PCDHA3: variants seen among roughly 807,000 people sequenced by gnomAD.
PCDHA3 encodes the protein protocadherin alpha-3.
A neutral mutation model predicts 62.2 loss-of-function variants in PCDHA3; 41 were observed. The observed-to-expected ratio is 0.66, with a 90% CI of 0.51 to 0.86. PCDHA3 has a LOEUF of 0.86. Ranked by LOEUF, PCDHA3 falls within the 40% of genes least tolerant of loss-of-function variation. PCDHA3 has a pLI of 0.00. For missense variants in PCDHA3, 1,304 were observed against 1,241.2 expected (o/e 1.05, Z -0.76); for synonymous variants, 640 against 555.4 (o/e 1.15, Z -2.14).
chr5:140,967,747 A>G (rs782650276), intron 1 of PCDHA3: 36 of 1,614,042 alleles, frequency 2.2e-5, no homozygotes, highest in Non-Finnish European at 3.0e-5. Context: ...ATTATGAGGA[A>G]GCCTCCTCCT....
intron 1 of PCDHA3, among the ~76,000 whole-genome samples, chr5:140,965,342 G>T (rs2095891598): frequency 6.6e-6 from 1 of 152,130 alleles, no homozygotes; most frequent in South Asian, 2.1e-4. Context: ...TTGTCTCTGT[G>T]TTGCCTCTAT....
Position 140,821,905 on chromosome 5 carries a change from G to A in PCDHA3, c.2394+18314G>A, listed in dbSNP as rs2150111828. The stretch of plus-strand genomic sequence containing the variant: ...GGAGGAAGCCAAACACGGAACCTTC[G>A]TTGGCCGCATCGCGCAGGACCTAGG... On this transcript the variant is annotated intron_variant, in intron 1 of 3. Transcript: ENST00000522353. 12 of 1,614,120 alleles carry A rather than the reference G, an allele frequency of 7.4e-6. No homozygotes were observed. The African/African-American group carries it at 9.3e-5, about 13-fold the overall frequency.
intron 1 of PCDHA3, among the ~76,000 whole-genome samples, chr5:140,977,003 T>G (rs1382476176): frequency 6.6e-6 from 1 of 152,248 alleles, no homozygotes; most frequent in Non-Finnish European, 1.5e-5. Flanking sequence ...AGAAATCTTG[T>G]AACTGTGATT....
rs550730996 is a variant in PCDHA3, at chr5:140,982,280, G to T, written c.2454-195G>T. The T allele has an allele frequency of 2.1e-5, 21 of 1,007,278 alleles. No homozygotes were observed. The Admixed American group carries it at 5.3e-4, about 25-fold the overall frequency. 62.4% of individuals were successfully genotyped at this position (1,007,278 alleles called of 1,614,324 possible). A position where few individuals can be genotyped will look rare whatever the true frequency, so the allele number is the denominator to read the frequency against. ...GTGTGTTCCTGGAATAGTATAGCAGGCAATAAGTAAGTCAGCAATGCTTCT... is the reference window on the plus strand; with the variant it reads ...GTGTGTTCCTGGAATAGTATAGCAGTCAATAAGTAAGTCAGCAATGCTTCT... On this transcript the variant is annotated intron_variant, in intron 2 of 3. Transcript: ENST00000522353.
chr5:140,932,712 A>G (rs1025750078), intron 1 of PCDHA3, among the ~76,000 whole-genome samples: 4 of 151,972 alleles, frequency 2.6e-5, no homozygotes, highest in African/African-American at 9.6e-5. Context: ...AGACAACACA[A>G]TAATATTGTA....
intron 1 of PCDHA3, chr5:140,877,987 C>T: frequency 3.5e-6 from 4 of 1,151,316 alleles, no homozygotes; most frequent in Non-Finnish European, 4.6e-6. Context: ...TCATTTTGAA[C>T]TTTTATGTAT....
At position 140,856,418 on chromosome 5, in the gene PCDHA3, G is replaced by A. The variant is rs782470045; in HGVS notation, c.2394+52827G>A. 17 of 1,598,338 alleles carry A rather than the reference G, an allele frequency of 1.1e-5. 1 individual carries two copies. The Admixed American group carries it at 1.2e-4, about 11-fold the overall frequency. On this transcript the variant is annotated intron_variant, in intron 1 of 3. Transcript: ENST00000522353. ...TTTCCATGTGGACGTGGAAGTGAAGGACATTAACGACAACCCGCCCAGGTT... is the reference window on the plus strand; with the variant it reads ...TTTCCATGTGGACGTGGAAGTGAAGAACATTAACGACAACCCGCCCAGGTT...
intron 1 of PCDHA3, chr5:140,856,066 C>A: frequency 6.3e-7 from 1 of 1,589,756 alleles, no homozygotes; most frequent in Non-Finnish European, 8.6e-7. Flanking sequence ...CCAGATGTAG[C>A]TGCCTGGGGG....
intron 1 of PCDHA3, chr5:140,966,755 C>G: frequency 2.8e-6 from 4 of 1,434,520 alleles, no homozygotes; most frequent in Non-Finnish European, 1.8e-6. Flanking sequence ...GCCTCCGCCG[C>G]GGCCAGTGGC....
chr5:140,841,770 C>G (rs148555729), intron 1 of PCDHA3: 4 of 1,613,798 alleles, frequency 2.5e-6, no homozygotes, highest in African/African-American at 1.3e-5. Flanking sequence ...ATGCCAGACT[C>G]TCGGTTTCCG....
intron 3 of PCDHA3, among the ~76,000 whole-genome samples, chr5:141,007,654 C>T (rs1461130528): frequency 6.6e-6 from 1 of 152,052 alleles, no homozygotes; most frequent in Non-Finnish European, 1.5e-5. Context: ...CCTAAAAAAC[C>T]ATAAATTTAC....
At chr5:140,841,819 C>T (rs2150323482) in intron 1 of PCDHA3, 6 of 1,613,756 alleles carry the variant, frequency 3.7e-6, no homozygotes, top group South Asian at 2.2e-5. Context: ...GAGCTAACTC[C>T]GTGTTAACCT....
At chr5:140,905,234 C>T (rs1303215169) in intron 1 of PCDHA3, among the ~76,000 whole-genome samples, 1 of 152,144 alleles carries the variant, frequency 6.6e-6, no homozygotes, top group African/African-American at 2.4e-5. Flanking sequence ...GATGAGGATC[C>T]AGTTTCATTC....
In PCDHA3 at chr5:140,855,851, G is replaced by A. The variant is rs971470534; in HGVS notation, c.2394+52260G>A. On this transcript the variant is annotated intron_variant, in intron 1 of 3. Transcript: ENST00000522353. Reference sequence around the variant, plus strand: ...AATCGTACTTACACCTAAAGCCACCGGATGTCGCTGTCGTCCACAAAATAG... The same window carrying A: ...AATCGTACTTACACCTAAAGCCACCAGATGTCGCTGTCGTCCACAAAATAG... 16 of 668,440 alleles carry A rather than the reference G, an allele frequency of 2.4e-5. No homozygotes were observed. The East Asian group carries it at 3.9e-4, about 16-fold the overall frequency. The allele number at this position is 668,440 out of a possible 1,614,324, so 41.4% of individuals were successfully genotyped here.
chr5:140,971,958 CT>C (rs1176007834), intron 1 of PCDHA3, among the ~76,000 whole-genome samples: 2 of 152,172 alleles, frequency 1.3e-5, no homozygotes, highest in African/African-American at 2.4e-5. Context: ...ACTCCAAAAA[CT>C]TTTTTTCAAT....
Position 140,850,388 on chromosome 5 carries a change from C to G in PCDHA3, c.2394+46797C>G. On this transcript the variant is annotated intron_variant, in intron 1 of 3. Coordinates refer to ENST00000522353, the MANE Select transcript of PCDHA3 (RefSeq NM_018906.3). Reference sequence around the variant, plus strand: ...GCGTGGGGCTGTACACGGGCGAGATCAGCACAACGCGTGCCCTGGACGAAA... The same window carrying G: ...GCGTGGGGCTGTACACGGGCGAGATGAGCACAACGCGTGCCCTGGACGAAA... 1.9e-6 allele frequency: 3 copies of G among 1,597,966 alleles called. No individual in the cohort carries two copies. In the African/African-American group the frequency reaches 4.0e-5, roughly 21 times the overall value.
At chr5:141,001,025 TA>T (rs1300694860) in intron 3 of PCDHA3, among the ~76,000 whole-genome samples, 1 of 152,246 alleles carries the variant, frequency 6.6e-6, no homozygotes, top group African/African-American at 2.4e-5. Context: ...ACACTTATAA[TA>T]ATAGCTTTAA....
chr5:140,963,570 G>A (rs1011231723), intron 1 of PCDHA3, among the ~76,000 whole-genome samples: 6 of 152,180 alleles, frequency 3.9e-5, no homozygotes, highest in African/African-American at 1.2e-4. Flanking sequence ...TTCTGGTTTT[G>A]TTCTCAAAAT....
intron 1 of PCDHA3, chr5:140,812,592 T>G (rs2126640143): frequency 6.6e-6 from 1 of 152,258 alleles, no homozygotes; most frequent in African/African-American, 2.4e-5. Context: ...CTTTCTTCAT[T>G]TTTAGTGTAG....
Sources: allele counts gnomAD v4.1 joint callset (sites outside exome capture counted in the v4.1 genomes callset), GRCh38; gene constraint gnomAD v4.1.1; transcripts MANE v1.5; gene names NCBI Gene and HGNC (gene_info 2026-07-23, HGNC 2026-07-21).